The following PIK3C2G variants were observed in gnomAD, a reference collection of about 807,000 sequenced individuals.
PIK3C2G encodes phosphatidylinositol 3-kinase C2 domain-containing subunit gamma.
In PIK3C2G, 168 loss-of-function variants were observed where a neutral mutation model predicts 181.1. The observed-to-expected ratio is 0.93, with a 90% CI of 0.82 to 1.05. The LOEUF (loss-of-function observed/expected upper bound fraction) is 1.05. PIK3C2G is among the 50% of genes least tolerant of loss of function. The pLI, the probability that PIK3C2G is intolerant of heterozygous loss-of-function variation, is 0.00. For synonymous variants in PIK3C2G, 573 were observed against 592.2 expected, an observed-to-expected ratio of 0.97 and a Z score of 0.47; for missense variants, 1,869 against 1,732.8, an observed-to-expected ratio of 1.08 and a Z score of -1.40.
At chr12:18,568,683 C>CA (rs1042716523) in intron 29 of PIK3C2G, among the ~76,000 whole-genome samples, 12 of 151,788 alleles carry the variant, frequency 7.9e-5, no homozygotes, top group East Asian at 5.8e-4. Flanking sequence ...GAATCTCATC[C>CA]AAAAAAACAC....
chr12:18,595,979 G>C (rs1207290789), intron 30 of PIK3C2G, among the ~76,000 whole-genome samples: 1 of 152,022 alleles, frequency 6.6e-6, no homozygotes, highest in Non-Finnish European at 1.5e-5. Context: ...TTTATCTGTA[G>C]ACTAGAAATC....
intron 13 of PIK3C2G, among the ~76,000 whole-genome samples, chr12:18,378,320 C>CA (rs59721856): frequency 2.0e-4 from 22 of 111,978 alleles, no homozygotes; most frequent in African/African-American, 7.7e-4. Flanking sequence ...GAGTTCCCCC[C>CA]CCCGTAACTA....
At chr12:18,562,384 G>T (rs575903769) in intron 26 of PIK3C2G, among the ~76,000 whole-genome samples, 9 of 152,164 alleles carry the variant, frequency 5.9e-5, no homozygotes, top group African/African-American at 2.2e-4. Flanking sequence ...CGCCCGCCTC[G>T]GCCTTCCAAA....
intron 31 of PIK3C2G, among the ~76,000 whole-genome samples, chr12:18,638,691 A>G (rs1311029356): frequency 6.6e-6 from 1 of 152,120 alleles, no homozygotes; most frequent in East Asian, 1.9e-4. Context: ...GTTTAACCAG[A>G]TATCTGGGCA....
chr12:18,399,514 A>G, intron 15 of PIK3C2G, 145 bp from the exon 16 acceptor site: 1 of 435,910 alleles, frequency 2.3e-6, no homozygotes, highest in Non-Finnish European at 4.0e-6. Context: ...CTATGAAAAT[A>G]TCCGAAGAAG....
chr12:18,580,851 T>G (rs1490872063), intron 29 of PIK3C2G, among the ~76,000 whole-genome samples: 3 of 152,208 alleles, frequency 2.0e-5, no homozygotes, highest in Non-Finnish European at 4.4e-5. Flanking sequence ...TTCATCGTGT[T>G]TGAGAGAGAC....
chr12:18,362,758 T>C lies in PIK3C2G; in HGVS notation c.1626-6T>C, dbSNP rs1267172034. The C allele has an allele frequency of 2.0e-6, 3 of 1,507,228 alleles. No individual in the cohort carries two copies. The highest frequency in any genetic ancestry group is 2.3e-5 in the Admixed American group (1 of 42,996). 93.4% of individuals were successfully genotyped at this position (1,507,228 alleles called of 1,614,324 possible). On this transcript the variant is annotated splice_region_variant and splice_polypyrimidine_tract_variant and intron_variant, in intron 11 of 32. Coordinates refer to ENST00000538779, the MANE Select transcript of PIK3C2G (RefSeq NM_001288772.2). ...AGCATATTGAATTGATGTTGTTTCA[T>C]TTTAGCTACAAAGCGTTTTCTTTTA... is the stretch of plus-strand genomic sequence containing the variant.
chr12:18,491,811 A>G (rs1307579545), intron 20 of PIK3C2G, among the ~76,000 whole-genome samples: 3 of 151,810 alleles, frequency 2.0e-5, no homozygotes, highest in Non-Finnish European at 4.4e-5. Flanking sequence ...AAAAAAAAAT[A>G]GAGGAACATA....
chr12:18,471,258 G>C (rs770769597), intron 18 of PIK3C2G, among the ~76,000 whole-genome samples: 9 of 152,086 alleles, frequency 5.9e-5, no homozygotes, highest in Non-Finnish European at 1.0e-4. Context: ...AGGGACCTTA[G>C]TCTTCTCATG....
chr12:18,369,040 T>C (rs1298369316), intron 12 of PIK3C2G, among the ~76,000 whole-genome samples: 1 of 152,192 alleles, frequency 6.6e-6, no homozygotes, highest in East Asian at 1.9e-4. Flanking sequence ...TAGGCTTTTG[T>C]CATCTTCAGT....
intron 29 of PIK3C2G, among the ~76,000 whole-genome samples, chr12:18,569,422 T>A (rs1472131597): frequency 6.6e-6 from 1 of 152,028 alleles, no homozygotes; most frequent in Non-Finnish European, 1.5e-5. Context: ...GAATGACTGG[T>A]TTTAGGCCAA....
upstream of PIK3C2G, among the ~76,000 whole-genome samples, chr12:18,257,218 G>T (rs1038352702): frequency 5.9e-5 from 9 of 152,166 alleles, no homozygotes; most frequent in African/African-American, 2.2e-4. Flanking sequence ...GGATGGGCAT[G>T]TGACCAGTTG....
intron 17 of PIK3C2G, among the ~76,000 whole-genome samples, chr12:18,423,060 C>T (rs1332733545): frequency 6.6e-6 from 1 of 151,562 alleles, no homozygotes; most frequent in Non-Finnish European, 1.5e-5. Flanking sequence ...GTATGTATGA[C>T]TGGATATTGT....
At chr12:18,669,144 TTTC>T in the PIK3C2G span, among the ~76,000 whole-genome samples, 1 of 152,190 alleles carries the variant, frequency 6.6e-6, no homozygotes, top group Non-Finnish European at 1.5e-5. Flanking sequence ...CAATGATTAT[TTTC>T]TTGATTCCTC....
At chr12:18,410,076 G>T (rs1944772751) in intron 16 of PIK3C2G, among the ~76,000 whole-genome samples, 1 of 152,144 alleles carries the variant, frequency 6.6e-6, no homozygotes, top group Non-Finnish European at 1.5e-5. Context: ...TTCAACATGA[G>T]ATTTGGGTGG....
At chr12:18,351,791 C>T (rs1280507898) in intron 11 of PIK3C2G, among the ~76,000 whole-genome samples, 1 of 152,130 alleles carries the variant, frequency 6.6e-6, no homozygotes, top group Non-Finnish European at 1.5e-5. Context: ...TGTAAATACA[C>T]TCATGCATAG....
chr12:18,725,630 G>A, the PIK3C2G span, among the ~76,000 whole-genome samples: 1 of 152,092 alleles, frequency 6.6e-6, no homozygotes, highest in East Asian at 1.9e-4. Context: ...ACTGTATTGT[G>A]TAGCATCCAA....
intron 16 of PIK3C2G, among the ~76,000 whole-genome samples, chr12:18,413,185 A>G (rs1316367115): frequency 6.6e-6 from 1 of 152,074 alleles, no homozygotes; most frequent in African/African-American, 2.4e-5. Flanking sequence ...TAATGTACAG[A>G]GTTATATTTA....
chr12:18,333,900 G>A lies in PIK3C2G; in HGVS notation c.1273-4526G>A, dbSNP rs566795156. The stretch of plus-strand genomic sequence containing the variant: ...TCTCCATCACAGCTAAATAAGAGAG[G>A]AGAATAATCAACCACTTATGCCGTT... On this transcript the variant is annotated intron_variant, in intron 8 of 32. Transcript: ENST00000538779. Among the ~76,000 whole-genome samples the A allele has an allele frequency of 3.3e-5, 5 of 152,210 alleles. No homozygotes were observed. In the South Asian group the frequency reaches 8.3e-4, roughly 25 times the overall value.
Sources: allele counts gnomAD v4.1 joint callset (sites outside exome capture counted in the v4.1 genomes callset), GRCh38; gene constraint gnomAD v4.1.1; transcripts MANE v1.5; gene names NCBI Gene and HGNC (gene_info 2026-07-23, HGNC 2026-07-21).